PHLPP1: variants seen among roughly 807,000 people sequenced by gnomAD.
The protein encoded by PHLPP1 is PH domain leucine-rich repeat-containing protein phosphatase 1.
A neutral mutation model predicts 117.2 loss-of-function variants in PHLPP1; 42 were observed. The ratio of observed to expected loss-of-function variants is 0.36; its 90% CI spans 0.28 to 0.46. The LOEUF is 0.46. Ranked by LOEUF, PHLPP1 falls within the 20% of genes least tolerant of loss-of-function variation. PHLPP1 has a pLI of 1.00. For synonymous variants in PHLPP1, 1,042 were observed against 970.7 expected, an observed-to-expected ratio of 1.07 and a Z score of -1.37; for missense variants, 2,084 against 2,241.9, an observed-to-expected ratio of 0.93 and a Z score of 1.42.
intron 1 of PHLPP1, among the ~76,000 whole-genome samples, chr18:62,822,270 T>G (rs1360379103): frequency 6.8e-6 from 1 of 146,986 alleles, no homozygotes; most frequent in African/African-American, 2.5e-5. Context: ...ATAGTGTTTT[T>G]TTTTTTTTTG....
At chr18:62,851,884 CT>C (rs1008631099) in intron 3 of PHLPP1, among the ~76,000 whole-genome samples, 18 of 148,356 alleles carry the variant, frequency 1.2e-4, no homozygotes, top group South Asian at 1.1e-3. Context: ...TTTTTCTTTT[CT>C]TTTTTTTTTG....
At chr18:62,849,797 CAAAAAAAAAAA>C (rs1159265423) in intron 3 of PHLPP1, among the ~76,000 whole-genome samples, 9 of 7,396 alleles carry the variant, frequency 1.2e-3, no homozygotes, top group South Asian at 0.013. Flanking sequence ...CCTGTCTCTA[CAAAAAAAAAAA>C]AAAAAAAAAA....
chr18:62,912,245 A>G (rs1916973207), intron 8 of PHLPP1, among the ~76,000 whole-genome samples: 1 of 150,430 alleles, frequency 6.6e-6, no homozygotes, highest in African/African-American at 2.4e-5. Context: ...TGGGACATGT[A>G]TACATATGTA....
At chr18:62,914,461 G>A (rs1445853583) in intron 8 of PHLPP1, among the ~76,000 whole-genome samples, 2 of 152,132 alleles carry the variant, frequency 1.3e-5, no homozygotes, top group Non-Finnish European at 2.9e-5. Flanking sequence ...TAAAGATAGG[G>A]TCTCATGCTG....
At chr18:62,773,121 AC>A (rs1912844884) in intron 1 of PHLPP1, among the ~76,000 whole-genome samples, 1 of 152,118 alleles carries the variant, frequency 6.6e-6, no homozygotes, top group African/African-American at 2.4e-5. Flanking sequence ...CATGCTGGGA[AC>A]CCTAGGCTGC....
At chr18:62,872,358 G>A (rs952204267) in intron 4 of PHLPP1, among the ~76,000 whole-genome samples, 1 of 152,130 alleles carries the variant, frequency 6.6e-6, no homozygotes, top group Admixed American at 6.6e-5. Context: ...CTACATAGAG[G>A]GCATCTTTCA....
At chr18:62,928,919 A>G (rs1383889672) in intron 10 of PHLPP1, among the ~76,000 whole-genome samples, 1 of 152,224 alleles carries the variant, frequency 6.6e-6, no homozygotes, top group Non-Finnish European at 1.5e-5. Flanking sequence ...GATTCTTTTT[A>G]TATGAAATAT....
intron 14 of PHLPP1, among the ~76,000 whole-genome samples, chr18:62,968,490 G>C (rs1195931561): frequency 1.7e-5 from 2 of 115,030 alleles, no homozygotes; most frequent in African/African-American, 6.6e-5. Flanking sequence ...GTTTTCAAAT[G>C]TATTAACATA....
chr18:62,917,396 T>TTGTGTGTG (rs34407573), intron 9 of PHLPP1, among the ~76,000 whole-genome samples: 12,724 of 141,306 alleles, frequency 0.09, 682 homozygotes, highest in East Asian at 0.18. Flanking sequence ...ACAGTATTCT[T>TTGTGTGTG]TGTGTGTGTG....
intron 3 of PHLPP1, 111 bp downstream of exon 3, chr18:62,839,020 T>A: frequency 8.8e-7 from 1 of 1,139,320 alleles, no homozygotes; most frequent in Non-Finnish European, 1.2e-6. Context: ...TTTTTTTTCC[T>A]CCCCAGATAC....
chr18:62,716,577 C>T lies in PHLPP1; in HGVS notation c.894C>T (p.Pro298=). Residue 298 remains proline, a synonymous_variant, in exon 1 of 17, where the codon CCC becomes CCT. Coordinates refer to ENST00000262719, the MANE Select transcript of PHLPP1 (RefSeq NM_194449.4). The surrounding 1 kb of genome is among the most constrained non-coding windows in gnomAD (Gnocchi z 5.7). ...PGAFGGPPRA[P]PADLPLPVGG... ...CCTTCGGGGGGCCTCCGCGCGCGCC[C>T]CCCGCCGACCTACCCCTGCCCGTCG... 1 of 1,212,302 alleles carries T rather than the reference C, an allele frequency of 8.2e-7. No individual in the cohort carries two copies. The highest frequency in any genetic ancestry group is 1.0e-6 in the Non-Finnish European group (1 of 975,842). 75.1% of individuals were successfully genotyped at this position (1,212,302 alleles called of 1,614,324 possible).
rs546507440 is a variant in PHLPP1 at position 62,944,570 on chromosome 18, C to T, written c.3162-539C>T. On this transcript the variant is annotated intron_variant, in intron 11 of 16. Coordinates refer to ENST00000262719, the MANE Select transcript of PHLPP1 (RefSeq NM_194449.4). Reference sequence around the variant, plus strand: ...AGAGGTGATCCAAATGGGCTTTTAACACACCCCTTGCTCCTTACCACCACT... The same window carrying T: ...AGAGGTGATCCAAATGGGCTTTTAATACACCCCTTGCTCCTTACCACCACT... Among the ~76,000 whole-genome samples the T allele has an allele frequency of 1.1e-4, 16 of 152,300 alleles. No homozygotes were observed. In the East Asian group the frequency reaches 2.5e-3, roughly 24 times the overall value.
intron 4 of PHLPP1, among the ~76,000 whole-genome samples, chr18:62,874,691 ACT>A (rs201422136): frequency 3.1e-5 from 4 of 127,434 alleles, no homozygotes; most frequent in African/African-American, 5.9e-5. Context: ...ACACACACAC[ACT>A]CTCGCTCTCT....
At chr18:62,728,504 C>CTTTT (rs761250873) in intron 1 of PHLPP1, among the ~76,000 whole-genome samples, 1 of 137,972 alleles carries the variant, frequency 7.2e-6, no homozygotes, top group African/African-American at 2.7e-5. Flanking sequence ...TTATCTTTAT[C>CTTTT]TTTTTTTTTT....
chr18:62,970,530 C>T (rs1215196833), intron 14 of PHLPP1, among the ~76,000 whole-genome samples: 4 of 151,950 alleles, frequency 2.6e-5, no homozygotes, highest in Non-Finnish European at 5.9e-5. Context: ...TTTGAGAGGC[C>T]GAGGCGGGCG....
chr18:62,717,083 C>A lies in PHLPP1; in HGVS notation c.1400C>A (p.Pro467Gln), dbSNP rs1378978798. Residue 467 changes from proline to glutamine, a missense_variant, in exon 1 of 17, where the codon CCG (proline) becomes CAG (glutamine). Around this residue, in one of 2 missense-constraint regions of PHLPP1, gnomAD observed 1,365 missense variants for 1,605.9 expected, o/e 0.85. Coordinates refer to ENST00000262719, the MANE Select transcript of PHLPP1 (RefSeq NM_194449.4). ...GCGGAGAAGGCGCCTCCGCCGCCCC[C>A]GCCGCCCACCCTGTACGTGCAGCTC... ...VTAEKAPPPPPPPTLYVQLHG... is the reference protein window; with the variant it reads ...VTAEKAPPPPQPPTLYVQLHG... 2 of 1,548,678 alleles carry A rather than the reference C, an allele frequency of 1.3e-6. No homozygotes were observed. The highest frequency in any genetic ancestry group is 2.0e-5 in the Admixed American group (1 of 51,050).
chr18:62,921,951 A>T (rs1909481762), intron 10 of PHLPP1, among the ~76,000 whole-genome samples: 1 of 152,196 alleles, frequency 6.6e-6, no homozygotes, highest in Non-Finnish European at 1.5e-5. Flanking sequence ...CAGTGTACTC[A>T]TGTAAGTTAT....
chr18:62,832,561 A>T (rs1396433602), intron 2 of PHLPP1, among the ~76,000 whole-genome samples: 1 of 152,196 alleles, frequency 6.6e-6, no homozygotes, highest in Non-Finnish European at 1.5e-5. Flanking sequence ...GTCTTCTACC[A>T]CTGAGTGAAT....
At chr18:62,891,404 A>C (rs949597766) in intron 4 of PHLPP1, among the ~76,000 whole-genome samples, 1 of 152,220 alleles carries the variant, frequency 6.6e-6, no homozygotes, top group Non-Finnish European at 1.5e-5. Flanking sequence ...CCTGGCCAAC[A>C]TAGTGAAACC....
Sources: allele counts gnomAD v4.1 joint callset (sites outside exome capture counted in the v4.1 genomes callset), GRCh38; gene constraint gnomAD v4.1.1; regional missense constraint gnomAD v4.1.1; non-coding constraint Gnocchi (gnomAD v3.1); transcripts MANE v1.5; gene names NCBI Gene and HGNC (gene_info 2026-07-23, HGNC 2026-07-21).